Variants in NDUFAF5 observed in about 807,000 individuals in gnomAD.
The protein encoded by NDUFAF5 is NADH:ubiquinone oxidoreductase complex assembly factor 5, also known as arginine-hydroxylase NDUFAF5, mitochondrial.
In NDUFAF5, 34 loss-of-function variants were observed where a neutral mutation model predicts 48.9. The observed-to-expected ratio is 0.70, with a 90% CI of 0.53 to 0.93. The LOEUF is 0.93. Ranked by LOEUF, NDUFAF5 falls within the 40% of genes least tolerant of loss-of-function variation. The probability of loss-of-function intolerance (pLI) is 0.00; values close to 1 mark genes in which losing one functional copy is unlikely to be tolerated. For synonymous variants in NDUFAF5, 153 were observed against 150.6 expected, an observed-to-expected ratio of 1.02 and a Z score of -0.12; for missense variants, 428 against 427.5, an observed-to-expected ratio of 1.00 and a Z score of -0.01.
chr20:13,806,893 TCTC>T (rs1164377322), intron 7 of NDUFAF5, among the ~76,000 whole-genome samples: 1 of 152,110 alleles, frequency 6.6e-6, no homozygotes, highest in Non-Finnish European at 1.5e-5. Flanking sequence ...TGAAACGAAG[TCTC>T]CTCTTCCTGA....
intron 2 of NDUFAF5, 32 bp downstream of exon 2, chr20:13,787,384 C>A: frequency 1.2e-6 from 2 of 1,603,284 alleles, no homozygotes; most frequent in South Asian, 2.2e-5. Flanking sequence ...ACAATACCAT[C>A]AACTTTTGAG....
At position 13,788,582 on chromosome 20, in the gene NDUFAF5, T is replaced by G. The variant is rs1437454711; in HGVS notation, c.264-7T>G. 2 of 1,607,420 alleles carry G rather than the reference T, an allele frequency of 1.2e-6. No individual in the cohort carries two copies. The highest frequency in any genetic ancestry group is 1.7e-6 in the Non-Finnish European group (2 of 1,173,968). ...ACAGAGCATAACCTCTGTGTCTTTT[T>G]TTTTAGAAATTTCCCCCTTGCTTTG... On this transcript the variant is annotated splice_polypyrimidine_tract_variant and splice_region_variant and intron_variant, in intron 2 of 10. Transcript: ENST00000378106.
intron 8 of NDUFAF5, among the ~76,000 whole-genome samples, chr20:13,810,440 T>TA (rs1985707448): frequency 6.6e-6 from 1 of 152,076 alleles, no homozygotes; most frequent in Non-Finnish European, 1.5e-5. Flanking sequence ...GCTCTTTTGT[T>TA]AGAGTGAGGA....
intron 3 of NDUFAF5, among the ~76,000 whole-genome samples, chr20:13,789,280 G>A (rs185366846): frequency 1.7e-4 from 25 of 149,928 alleles, no homozygotes; most frequent in Non-Finnish European, 3.4e-4. Flanking sequence ...TTCTCCTGCC[G>A]CAGCCTCCCA....
chr20:13,810,245 GAGA>G (rs1189997399), intron 8 of NDUFAF5, among the ~76,000 whole-genome samples: 2 of 152,340 alleles, frequency 1.3e-5, no homozygotes, highest in East Asian at 3.9e-4. Context: ...CAAAGAGACT[GAGA>G]AGGAGTAGCC....
intron 5 of NDUFAF5, among the ~76,000 whole-genome samples, chr20:13,795,455 C>CA (rs1983049385): frequency 6.6e-6 from 1 of 152,100 alleles, no homozygotes; most frequent in African/African-American, 2.4e-5. Flanking sequence ...AATCATAACT[C>CA]ATTCTGGACA....
chr20:13,793,263 C>T (rs771559982), intron 4 of NDUFAF5, 36 bp downstream of exon 4: 177 of 1,482,366 alleles, frequency 1.2e-4, no homozygotes, highest in Admixed American at 4.0e-4. Flanking sequence ...TTTCTAATCT[C>T]GTGATGTGTT....
chr20:13,787,277 T>C, intron 1 of NDUFAF5, 35 bp from the exon 2 acceptor site: 1 of 1,611,736 alleles, frequency 6.2e-7, no homozygotes, highest in Non-Finnish European at 8.5e-7. Context: ...AGAGTGTTAC[T>C]TCCCCGTTAA....
intron 7 of NDUFAF5, among the ~76,000 whole-genome samples, chr20:13,807,326 A>G (rs1418380681): frequency 6.6e-6 from 1 of 152,028 alleles, no homozygotes; most frequent in African/African-American, 2.4e-5. Flanking sequence ...GATTACAGGC[A>G]TGAGCCATCG....
At chr20:13,806,076 A>G (rs946235069) in intron 7 of NDUFAF5, among the ~76,000 whole-genome samples, 2 of 152,218 alleles carry the variant, frequency 1.3e-5, no homozygotes, top group Non-Finnish European at 2.9e-5. Context: ...TTAAAGTGAA[A>G]TCGAGTCAGA....
intron 8 of NDUFAF5, among the ~76,000 whole-genome samples, chr20:13,811,095 G>A (rs191003625): frequency 6.6e-6 from 1 of 152,228 alleles, no homozygotes; most frequent in African/African-American, 2.4e-5. Context: ...AAAGACAAAG[G>A]TAAAAGATAA....
intron 7 of NDUFAF5, among the ~76,000 whole-genome samples, chr20:13,802,369 T>C (rs919242444): frequency 6.6e-6 from 1 of 152,120 alleles, no homozygotes; most frequent in Admixed American, 6.5e-5. Flanking sequence ...TTTATTTCTT[T>C]TAAAAATGCA....
Position 13,798,608 on chromosome 20 carries a change from G to C in NDUFAF5, c.519+108G>C. On this transcript the variant is annotated intron_variant, in intron 6 of 10. Coordinates refer to ENST00000378106, the MANE Select transcript of NDUFAF5 (RefSeq NM_024120.5). ...CTATTTACTTGTAGGTCTGACAGTTGGGAAAGAAATCGGTGAAATCATCTG... is the reference window on the plus strand; with the variant it reads ...CTATTTACTTGTAGGTCTGACAGTTCGGAAAGAAATCGGTGAAATCATCTG... The C allele has an allele frequency of 3.3e-6, 3 of 915,296 alleles. No individual in the cohort carries two copies. The South Asian group carries it at 4.1e-5, about 12-fold the overall frequency. 56.7% of individuals were successfully genotyped at this position (915,296 alleles called of 1,614,324 possible).
intron 1 of NDUFAF5, among the ~76,000 whole-genome samples, chr20:13,786,979 G>A (rs1213046579): frequency 2.6e-5 from 4 of 152,058 alleles, no homozygotes; most frequent in East Asian, 1.9e-4. Context: ...GCTAATATCC[G>A]TGGACAGTAA....
At chr20:13,795,342 C>T (rs367739798) in intron 5 of NDUFAF5, among the ~76,000 whole-genome samples, 2 of 152,182 alleles carry the variant, frequency 1.3e-5, no homozygotes, top group African/African-American at 2.4e-5. Flanking sequence ...CCTTCTATCA[C>T]AGATGAGTTT....
chr20:13,816,420 G>A (rs1454310952), intron 8 of NDUFAF5, 43 bp from the exon 9 acceptor site: 1 of 1,351,184 alleles, frequency 7.4e-7, no homozygotes, highest in Admixed American at 1.7e-5. Flanking sequence ...GCTGTTCAGG[G>A]TGTTTGCTGT....
intron 7 of NDUFAF5, among the ~76,000 whole-genome samples, chr20:13,805,875 C>T (rs1808989973): frequency 1.3e-5 from 2 of 151,984 alleles, no homozygotes; most frequent in Non-Finnish European, 1.5e-5. Context: ...TGCAGTGAGC[C>T]ATGATCTCAC....
At position 13,819,742 on chromosome 20, in the gene NDUFAF5, C is replaced by G. The variant is rs1231689318; in HGVS notation, c.*2532C>G. 3 of 152,170 alleles carry G rather than the reference C, an allele frequency of 2.0e-5. No homozygotes were observed. In the East Asian group the frequency reaches 5.8e-4, roughly 29 times the overall value. The allele number at this position is 152,170 out of a possible 1,614,324, so 9.4% of individuals were successfully genotyped here. A position where few individuals can be genotyped will look rare whatever the true frequency, so the allele number is the denominator to read the frequency against. On this transcript the variant is annotated 3_prime_UTR_variant, in exon 11 of 11. Transcript: ENST00000378106. ...CTGTATTGCTTCTTCCCAGACTGGT[C>G]CCAAGAATGCTGTGGTTGGTTTTGT...
chr20:13,797,805 TG>T (rs1983479936), intron 5 of NDUFAF5, among the ~76,000 whole-genome samples: 1 of 152,158 alleles, frequency 6.6e-6, no homozygotes, highest in Non-Finnish European at 1.5e-5. Context: ...ATATTGATAA[TG>T]GGGGAGGCTG....
Sources: gnomAD v4.1 joint callset for allele counts (sites outside exome capture counted in the v4.1 genomes callset) on GRCh38, gnomAD v4.1.1 for gene constraint, MANE v1.5 for transcripts, NCBI Gene and HGNC (gene_info 2026-07-23, HGNC 2026-07-21) for gene names.